RIMS1: variants seen among roughly 807,000 people sequenced by gnomAD.
The protein encoded by RIMS1 is regulating synaptic membrane exocytosis protein 1.
RIMS1 carries 83 observed loss-of-function variants against 214.1 expected under a neutral mutation model. The ratio of observed to expected loss-of-function variants is 0.39; its 90% CI spans 0.32 to 0.47. The LOEUF is 0.47. RIMS1 is among the 20% of genes least tolerant of loss of function. The pLI is 0.99. For missense variants in RIMS1, 2,050 were observed against 2,161.8 expected (o/e 0.95, Z 1.03); for synonymous variants, 793 against 786.8 (o/e 1.01, Z -0.13).
At chr6:72,045,085 A>G (rs1159731631) in intron 2 of RIMS1, among the ~76,000 whole-genome samples, 1 of 152,000 alleles carries the variant, frequency 6.6e-6, no homozygotes, top group South Asian at 2.1e-4. Flanking sequence ...GCTAAGTAAA[A>G]GAAGTCAGAC....
chr6:71,920,305 A>C (rs1779606213), intron 1 of RIMS1, among the ~76,000 whole-genome samples: 1 of 152,206 alleles, frequency 6.6e-6, no homozygotes, highest in Non-Finnish European at 1.5e-5. Flanking sequence ...ATCCAAATAA[A>C]GTCTGTAGTT....
At chr6:72,225,972 G>T (rs2060061178) in intron 6 of RIMS1, among the ~76,000 whole-genome samples, 1 of 152,178 alleles carries the variant, frequency 6.6e-6, no homozygotes, top group Admixed American at 6.6e-5. Context: ...AAACTGTTTT[G>T]TGTGGAAAGC....
At chr6:71,929,121 A>G (rs1782359402) in intron 1 of RIMS1, among the ~76,000 whole-genome samples, 1 of 151,938 alleles carries the variant, frequency 6.6e-6, no homozygotes, top group Non-Finnish European at 1.5e-5. Flanking sequence ...TGCACTGTCT[A>G]TTTTCTGTTT....
chr6:72,179,689 A>C lies in RIMS1; in HGVS notation c.586A>C (p.Thr196Pro), dbSNP rs773794735. 1 of 1,613,948 alleles carries C rather than the reference A, an allele frequency of 6.2e-7. No homozygotes were observed. Among genetic ancestry groups the C allele is most frequent in the South Asian group, 1.1e-5 (1 of 91,084 alleles). Residue 196 changes from threonine to proline, a missense_variant, in exon 5 of 34, where the codon ACA becomes CCA. Transcript: ENST00000521978. Reference sequence around the variant, plus strand: ...AAGTCAGGATGGAACCCTGAGTGATACAGCTACAGGTGCTGGCTCTGAGGT... The same window carrying C: ...AAGTCAGGATGGAACCCTGAGTGATCCAGCTACAGGTGCTGGCTCTGAGGT... ...QTSQDGTLSD[T>P]ATGAGSEVPR... is the part of the protein sequence containing the mutation.
chr6:72,182,948 G>C lies in RIMS1; in HGVS notation c.1477G>C (p.Glu493Gln), dbSNP rs796052194. The change falls in exon 6 of 34, where the codon GAG becomes CAG. Residue 493 changes from glutamate to glutamine, a missense_variant. Physicochemically the swap from Glu to Gln is conservative, Grantham distance 29. Coordinates refer to ENST00000521978, the MANE Select transcript of RIMS1 (RefSeq NM_014989.7). ...LMRKAKREKV[E>Q]TMLRNDSLSS... Reference sequence around the variant, plus strand: ...GCGGAAGGCCAAGCGCGAGAAGGTGGAGACCATGCTGCGGAACGACTCTTT... The same window carrying C: ...GCGGAAGGCCAAGCGCGAGAAGGTGCAGACCATGCTGCGGAACGACTCTTT... 5.0e-6 allele frequency: 8 copies of C among 1,591,224 alleles called. No homozygotes were observed. In the East Asian group the frequency reaches 1.8e-4, roughly 36 times the overall value.
intron 2 of RIMS1, among the ~76,000 whole-genome samples, chr6:72,091,352 G>A (rs937523894): frequency 1.3e-4 from 20 of 152,140 alleles, no homozygotes; most frequent in Non-Finnish European, 2.9e-4. Context: ...CTTTGGGAAT[G>A]GGAGAAGAAA....
intron 4 of RIMS1, among the ~76,000 whole-genome samples, chr6:72,133,162 T>C (rs1409974221): frequency 2.0e-5 from 3 of 151,854 alleles, no homozygotes; most frequent in African/African-American, 7.2e-5. Context: ...TCCATGCCAT[T>C]AATTCATAAG....
intron 31 of RIMS1, among the ~76,000 whole-genome samples, chr6:72,393,854 T>C (rs1178735513): frequency 6.6e-6 from 1 of 152,012 alleles, no homozygotes; most frequent in Non-Finnish European, 1.5e-5. Context: ...ATTTCCAACC[T>C]AGAATACAAA....
chr6:72,152,509 C>T (rs1005763126), intron 4 of RIMS1, among the ~76,000 whole-genome samples: 1 of 151,984 alleles, frequency 6.6e-6, no homozygotes, highest in Non-Finnish European at 1.5e-5. Flanking sequence ...AACTGTATCA[C>T]CAACTTTGGA....
rs116141142 is a variant in RIMS1 at position 72,080,437 on chromosome 6, T to C, written c.246-16512T>C. Among the ~76,000 whole-genome samples, 418 of 152,298 alleles carry C rather than the reference T, an allele frequency of 2.7e-3. 1 individual carries two copies. Among genetic ancestry groups the C allele is most frequent in the African/African-American group, 9.6e-3 (399 of 41,564 alleles). ...CTTCCATTGTCTGTAAGCTGGATTA[T>C]TGCCAGGCCTCCTGACTGGAGTCTC... On this transcript the variant is annotated intron_variant, in intron 2 of 33. Coordinates refer to ENST00000521978, the MANE Select transcript of RIMS1 (RefSeq NM_014989.7).
chr6:72,324,152 G>C (rs1454845326), intron 28 of RIMS1, among the ~76,000 whole-genome samples: 1 of 151,842 alleles, frequency 6.6e-6, no homozygotes, highest in Non-Finnish European at 1.5e-5. Context: ...TTGAAGAAAA[G>C]TATCTCCAGT....
intron 4 of RIMS1, among the ~76,000 whole-genome samples, chr6:72,158,441 G>T (rs2044752431): frequency 7.2e-6 from 1 of 139,434 alleles, no homozygotes; most frequent in Non-Finnish European, 1.6e-5. Flanking sequence ...TAAGTTTTAG[G>T]CTACATGTGC....
chr6:72,057,081 G>A (rs76858646), intron 2 of RIMS1, among the ~76,000 whole-genome samples: 1 of 152,094 alleles, frequency 6.6e-6, no homozygotes, highest in Non-Finnish European at 1.5e-5. Flanking sequence ...TAATAACTGG[G>A]TGATTAAATA....
intron 4 of RIMS1, among the ~76,000 whole-genome samples, chr6:72,116,202 A>T (rs1032498012): frequency 6.6e-6 from 1 of 151,926 alleles, no homozygotes; most frequent in Non-Finnish European, 1.5e-5. Flanking sequence ...CTCAACTTTT[A>T]TACAGAAAAA....
rs1433936862 is a variant in RIMS1 at position 72,258,692 on chromosome 6, CAT to C, written c.2928-290_2928-289del. 2.0e-5 allele frequency among the ~76,000 whole-genome samples: 3 copies of C among 152,198 alleles called. No individual in the cohort carries two copies. The South Asian group carries it at 6.2e-4, about 32-fold the overall frequency. ...TAAATGCTTGGAAACATAAATAAAA[CAT>C]ATAGTGCTCTACTTCATTTTACTCT... On this transcript the variant is annotated intron_variant, in intron 17 of 33. Transcript: ENST00000521978.
chr6:71,906,536 A>T (rs774346283), intron 1 of RIMS1, among the ~76,000 whole-genome samples: 8 of 152,178 alleles, frequency 5.3e-5, no homozygotes, highest in Non-Finnish European at 8.8e-5. Flanking sequence ...AAACAAAGTT[A>T]ACTATTATTA....
At chr6:72,298,888 T>TA (rs1446973601) in intron 26 of RIMS1, among the ~76,000 whole-genome samples, 1 of 151,976 alleles carries the variant, frequency 6.6e-6, no homozygotes, top group African/African-American at 2.4e-5. Context: ...CTAACAAAGA[T>TA]AACACATCCT....
chr6:72,102,912 AT>A (rs2033925444), intron 4 of RIMS1, among the ~76,000 whole-genome samples: 2 of 152,228 alleles, frequency 1.3e-5, no homozygotes, highest in South Asian at 4.1e-4. Context: ...TCATGGCATG[AT>A]GAAGCATATG....
intron 22 of RIMS1, 93 bp downstream of exon 22, chr6:72,266,142 A>G: frequency 1.1e-6 from 1 of 878,830 alleles, no homozygotes; most frequent in East Asian, 2.6e-5. Context: ...TTACAGGTTT[A>G]TTCATTCATG....
Sources: gnomAD v4.1 joint callset for allele counts (sites outside exome capture counted in the v4.1 genomes callset) on GRCh38, gnomAD v4.1.1 for gene constraint, MANE v1.5 for transcripts, NCBI Gene and HGNC (gene_info 2026-07-23, HGNC 2026-07-21) for gene names.